CEP85L: variants seen among roughly 807,000 people sequenced by gnomAD.
CEP85L encodes centrosomal protein of 85 kDa-like.
A neutral mutation model predicts 100.3 loss-of-function variants in CEP85L; 60 were observed. That is an observed-to-expected ratio of 0.60 (90% CI 0.49 to 0.74). The LOEUF is 0.74. Among genes scored for constraint, CEP85L ranks in the 30% least tolerant of loss-of-function variants. The pLI, the probability that CEP85L is intolerant of heterozygous loss-of-function variation, is 0.00. For synonymous variants in CEP85L, 319 were observed against 322.7 expected (o/e 0.99, Z 0.12); for missense variants, 973 against 936.2 (o/e 1.04, Z -0.51).
intron 7 of CEP85L, among the ~76,000 whole-genome samples, chr6:118,483,417 G>A (rs1353451905): frequency 6.6e-6 from 1 of 152,092 alleles, no homozygotes. Context: ...ACCAGAACTG[G>A]GGGTGTGTGC....
rs554995202 is a variant in CEP85L at position 118,480,533 on chromosome 6, T to C, written c.1746-20A>G. ...TGCAAACTATTTCAAAAGACAATTA[T>C]ATGAAGAAAATAAGCTCTATTTGCT... On this transcript the variant is annotated intron_variant, in intron 8 of 12. Transcript: ENST00000368491. The C allele has an allele frequency of 1.6e-5, 23 of 1,469,122 alleles. No homozygotes were observed. Among genetic ancestry groups the C allele is most frequent in the South Asian group, 9.4e-5 (8 of 85,044 alleles). 91.0% of individuals were successfully genotyped at this position (1,469,122 alleles called of 1,614,324 possible). A position where few individuals can be genotyped will look rare whatever the true frequency, so the allele number is the denominator to read the frequency against.
chr6:118,544,603 C>G (rs1027508639), intron 3 of CEP85L, among the ~76,000 whole-genome samples: 1 of 152,128 alleles, frequency 6.6e-6, no homozygotes, highest in Non-Finnish European at 1.5e-5. Context: ...TTTTCTTAAT[C>G]CATCTGGCCT....
chr6:118,663,493 A>G (rs1308711469), intron 1 of CEP85L, among the ~76,000 whole-genome samples: 2 of 152,244 alleles, frequency 1.3e-5, no homozygotes, highest in Non-Finnish European at 2.9e-5. Flanking sequence ...TGAAAAAAGG[A>G]TATGAAGTTG....
At chr6:118,631,510 C>T (rs918698990) in intron 2 of CEP85L, among the ~76,000 whole-genome samples, 18 of 152,262 alleles carry the variant, frequency 1.2e-4, no homozygotes, top group Middle Eastern at 6.8e-3. Context: ...CACAGAAAAA[C>T]CTATACCCAC....
At position 118,672,489 on chromosome 6, in the gene CEP85L, A is replaced by G. The variant is rs574747480; in HGVS notation, c.-27-19681T>C. The stretch of plus-strand genomic sequence containing the variant: ...TGAATCTTTAAGATGCCCCATGGCC[A>G]GCCATTGTGGCTCACATCTGTAATC... On this transcript the variant is annotated intron_variant, in intron 1 of 13. Coordinates refer to the CEP85L transcript ENST00000368488. 3.3e-5 allele frequency among the ~76,000 whole-genome samples: 5 copies of G among 152,318 alleles called. 1 individual carries two copies. Among genetic ancestry groups the G allele is most frequent in the African/African-American group, 1.2e-4 (5 of 41,566 alleles).
intron 1 of CEP85L, among the ~76,000 whole-genome samples, chr6:118,690,317 C>G (rs1286613902): frequency 6.6e-6 from 1 of 152,232 alleles, no homozygotes; most frequent in Non-Finnish European, 1.5e-5. Flanking sequence ...CTCTCCTGCT[C>G]TTTTATACCC....
intron 6 of CEP85L, among the ~76,000 whole-genome samples, chr6:118,485,594 C>T (rs913520396): frequency 1.3e-5 from 2 of 152,212 alleles, no homozygotes; most frequent in Admixed American, 6.5e-5. Flanking sequence ...ACCTTACATA[C>T]TGTTGGCACT....
At chr6:118,500,356 G>A (rs188508312) in intron 5 of CEP85L, among the ~76,000 whole-genome samples, 6 of 121,458 alleles carry the variant, frequency 4.9e-5, no homozygotes, top group African/African-American at 9.2e-5. Flanking sequence ...AACGCAGGAC[G>A]TGGGCAAACT....
chr6:118,636,434 A>G (rs527875585), intron 1 of CEP85L, among the ~76,000 whole-genome samples: 1 of 143,668 alleles, frequency 7.0e-6, no homozygotes, highest in East Asian at 1.9e-4. Flanking sequence ...AGAATAAATG[A>G]TCTCAGTTTA....
chr6:118,470,897 G>A (rs1285045811), intron 10 of CEP85L, among the ~76,000 whole-genome samples: 1 of 151,990 alleles, frequency 6.6e-6, no homozygotes, highest in Non-Finnish European at 1.5e-5. Flanking sequence ...TTTTACCAAG[G>A]AAGTTTTTAA....
At chr6:118,575,384 C>T (rs933229592) in intron 2 of CEP85L, among the ~76,000 whole-genome samples, 2 of 152,180 alleles carry the variant, frequency 1.3e-5, no homozygotes, top group African/African-American at 4.8e-5. Context: ...CCAGTTAGGA[C>T]TGGATTTGTC....
At chr6:118,699,386 T>A (rs1777337287) in intron 1 of CEP85L, among the ~76,000 whole-genome samples, 2 of 149,904 alleles carry the variant, frequency 1.3e-5, no homozygotes, top group African/African-American at 2.5e-5. Flanking sequence ...GCCCAGGAGG[T>A]CAAGGCTGTA....
In CEP85L at chr6:118,507,317, GTCT is replaced by G. The variant is rs1203375392; in HGVS notation, c.1257+3978_1257+3980del. Among the ~76,000 whole-genome samples, 5 of 152,148 alleles carry G rather than the reference GTCT, an allele frequency of 3.3e-5. No homozygotes were observed. The East Asian group carries it at 5.8e-4, about 18-fold the overall frequency. On this transcript the variant is annotated intron_variant, in intron 5 of 12. Coordinates refer to ENST00000368491, the MANE Select transcript of CEP85L (RefSeq NM_001042475.3). Reference sequence around the variant, plus strand: ...TGGTCATACAGATGTTTAATCAACAGTCTTCTTCTCATTCTGACCACTACAGAT... The same window carrying G: ...TGGTCATACAGATGTTTAATCAACAGTCTTCTCATTCTGACCACTACAGAT...
intron 3 of CEP85L, among the ~76,000 whole-genome samples, chr6:118,531,682 T>C (rs1777302247): frequency 6.6e-6 from 1 of 151,766 alleles, no homozygotes; most frequent in African/African-American, 2.4e-5. Context: ...AACAACCCCA[T>C]TAAAAAGAAG....
At chr6:118,606,081 G>GA (rs1277344104) in intron 2 of CEP85L, among the ~76,000 whole-genome samples, 1 of 147,514 alleles carries the variant, frequency 6.8e-6, no homozygotes, top group African/African-American at 2.5e-5. Context: ...CGACTGAAAA[G>GA]AAAAAACCTT....
intron 2 of CEP85L, among the ~76,000 whole-genome samples, chr6:118,606,103 A>T (rs1040855980): frequency 2.0e-5 from 3 of 152,118 alleles, no homozygotes; most frequent in African/African-American, 7.2e-5. Context: ...TTCCATAAAA[A>T]CAAGTTCCAA....
At chr6:118,681,412 G>A (rs1404277898) in intron 1 of CEP85L, among the ~76,000 whole-genome samples, 1 of 152,052 alleles carries the variant, frequency 6.6e-6, no homozygotes, top group Non-Finnish European at 1.5e-5. Flanking sequence ...ATACTAATTA[G>A]CAGAGATCTG....
In CEP85L at chr6:118,607,028, G is replaced by C. The variant is rs182318627; in HGVS notation, c.232+25425C>G. ...CTGAGCAGCCCTAGTGATCCAGCTT[G>C]TGGCACCATAGCCATGGGGGCCAAG... On this transcript the variant is annotated intron_variant, in intron 2 of 12. Coordinates refer to ENST00000368491, the MANE Select transcript of CEP85L (RefSeq NM_001042475.3). Among the ~76,000 whole-genome samples, 111 of 152,144 alleles carry C rather than the reference G, an allele frequency of 7.3e-4. 2 individuals are homozygous for C. In the East Asian group the frequency reaches 0.018, roughly 24 times the overall value.
chr6:118,620,728 T>C (rs4027728), intron 2 of CEP85L, among the ~76,000 whole-genome samples: 107,772 of 151,980 alleles, frequency 0.71, 38,937 homozygotes, highest in African/African-American at 0.75. Context: ...ACCAGCACGG[T>C]CTTCTCAGTG....
Sources: gnomAD v4.1 joint callset for allele counts (sites outside exome capture counted in the v4.1 genomes callset) on GRCh38, gnomAD v4.1.1 for gene constraint, MANE v1.5 for transcripts, NCBI Gene and HGNC (gene_info 2026-07-23, HGNC 2026-07-21) for gene names.